STK3: variants seen among roughly 807,000 people sequenced by gnomAD.
STK3 encodes the protein serine/threonine kinase 3.
In STK3, 41 loss-of-function variants were observed where a neutral mutation model predicts 58.0. The observed-to-expected ratio is 0.71, with a 90% CI of 0.55 to 0.92. STK3 has a LOEUF of 0.92. STK3 is among the 40% of genes least tolerant of loss of function. The probability of loss-of-function intolerance (pLI) is 0.00; values close to 1 mark genes in which losing one functional copy is unlikely to be tolerated. For missense variants in STK3, 479 were observed against 602.7 expected (o/e 0.79, Z 2.15); for synonymous variants, 170 against 191.0 (o/e 0.89, Z 0.91).
chr8:98,486,795 GA>G (rs747010660), intron 10 of STK3, among the ~76,000 whole-genome samples: 2 of 152,186 alleles, frequency 1.3e-5, no homozygotes, highest in Non-Finnish European at 2.9e-5. Context: ...AAACTCAAAT[GA>G]AAGAATGTAA....
intron 6 of STK3, among the ~76,000 whole-genome samples, chr8:98,650,717 C>A (rs1003484902): frequency 4.5e-4 from 68 of 152,210 alleles, no homozygotes; most frequent in Non-Finnish European, 4.3e-4. Context: ...GGTCCTACGC[C>A]CACGGAGTCT....
chr8:98,451,835 G>A (rs1223970735), downstream of STK3, among the ~76,000 whole-genome samples: 1 of 150,524 alleles, frequency 6.6e-6, no homozygotes, highest in Non-Finnish European at 1.5e-5. Flanking sequence ...TTGCCCAAAC[G>A]GCAAAGAAAA....
At chr8:98,450,159 C>A (rs952610456), downstream of STK3, among the ~76,000 whole-genome samples, 1 of 152,136 alleles carries the variant, frequency 6.6e-6, no homozygotes, top group African/African-American at 2.4e-5. Flanking sequence ...ATGATAGATT[C>A]TCCTCAGTGC....
At chr8:98,924,845 C>T (rs935928464) in intron 1 of STK3, among the ~76,000 whole-genome samples, 1 of 152,194 alleles carries the variant, frequency 6.6e-6, no homozygotes, top group Admixed American at 6.5e-5. Flanking sequence ...GAGGATGAAC[C>T]TCTCTTTCTC....
intron 1 of STK3, among the ~76,000 whole-genome samples, chr8:98,778,266 G>A (rs1431357886): frequency 6.6e-6 from 1 of 152,182 alleles, no homozygotes; most frequent in Non-Finnish European, 1.5e-5. Context: ...GCAGCCAAAA[G>A]ACACATGAAA....
chr8:98,464,687 A>T (rs1820329133), intron 10 of STK3, among the ~76,000 whole-genome samples: 1 of 152,104 alleles, frequency 6.6e-6, no homozygotes, highest in Non-Finnish European at 1.5e-5. Flanking sequence ...AACTACTATG[A>T]AGCCTGTTTA....
intron 3 of STK3, among the ~76,000 whole-genome samples, chr8:98,849,127 G>A (rs1292850952): frequency 6.6e-6 from 1 of 151,310 alleles, no homozygotes; most frequent in African/African-American, 2.4e-5. Flanking sequence ...TCAGGAGGCT[G>A]AGGCAGGAGA....
chr8:98,622,565 T>TA (rs1818411394), intron 6 of STK3, among the ~76,000 whole-genome samples: 1 of 152,136 alleles, frequency 6.6e-6, no homozygotes, highest in Non-Finnish European at 1.5e-5. Context: ...CAAGGGTCTG[T>TA]AAAAAATCAA....
intron 6 of STK3, among the ~76,000 whole-genome samples, chr8:98,629,473 A>C (rs1461810112): frequency 1.3e-5 from 2 of 152,206 alleles, no homozygotes; most frequent in African/African-American, 4.8e-5. Context: ...GGGGAACCCT[A>C]AACACTACTT....
chr8:98,435,632 G>A (rs1479382810), intron 2 of STK3, among the ~76,000 whole-genome samples: 1 of 152,116 alleles, frequency 6.6e-6, no homozygotes, highest in African/African-American at 2.4e-5. Context: ...ATCAGTGACT[G>A]GATGTGGGAT....
chr8:98,653,121 T>C (rs934659470), intron 6 of STK3, among the ~76,000 whole-genome samples: 2 of 152,182 alleles, frequency 1.3e-5, no homozygotes, highest in Non-Finnish European at 2.9e-5. Flanking sequence ...ACACAAATTA[T>C]AACAAACTGT....
At chr8:98,522,413 T>C (rs1221457840) in intron 10 of STK3, among the ~76,000 whole-genome samples, 1 of 152,198 alleles carries the variant, frequency 6.6e-6, no homozygotes, top group Non-Finnish European at 1.5e-5. Flanking sequence ...GTAACTTTGC[T>C]GTTCCTTCCA....
intron 3 of STK3, among the ~76,000 whole-genome samples, chr8:98,869,061 A>AGGAG (rs1266169406): frequency 2.0e-5 from 3 of 149,700 alleles, no homozygotes; most frequent in Non-Finnish European, 3.0e-5. Flanking sequence ...GAAGGAAGGA[A>AGGAG]GGAAGGAAGG....
At chr8:98,522,443 T>C (rs1825436544) in intron 10 of STK3, among the ~76,000 whole-genome samples, 1 of 152,176 alleles carries the variant, frequency 6.6e-6, no homozygotes, top group Non-Finnish European at 1.5e-5. Flanking sequence ...GAAATTTATT[T>C]CCATATCTTA....
intron 6 of STK3, among the ~76,000 whole-genome samples, chr8:98,680,981 CTT>C (rs371666746): frequency 2.2e-4 from 27 of 124,738 alleles, no homozygotes; most frequent in Non-Finnish European, 2.8e-4. Flanking sequence ...CCCCACCTTT[CTT>C]TTTTTTTTTT....
intron 3 of STK3, among the ~76,000 whole-genome samples, chr8:98,833,241 GGATCCAAAGATTTTCT>G (rs932348629): frequency 3.9e-5 from 6 of 152,120 alleles, no homozygotes; most frequent in African/African-American, 1.4e-4. Flanking sequence ...GGTCATAGGA[GGATCCAAAGATTTTCT>G]GATTGACAAT....
chr8:98,345,651 A>G, the STK3 span, among the ~76,000 whole-genome samples: 2 of 152,062 alleles, frequency 1.3e-5, no homozygotes, highest in Admixed American at 1.3e-4. Flanking sequence ...CCAGGCATGG[A>G]AAGAGGCAGG....
the STK3 span, among the ~76,000 whole-genome samples, chr8:98,359,087 A>G: frequency 6.6e-6 from 1 of 152,080 alleles, no homozygotes; most frequent in Non-Finnish European, 1.5e-5. Flanking sequence ...TAGGGAAGAG[A>G]TGTGAGCTCC....
chr8:98,897,401 CA>C (rs895727456), intron 1 of STK3, among the ~76,000 whole-genome samples: 4 of 151,016 alleles, frequency 2.6e-5, no homozygotes, highest in Non-Finnish European at 1.5e-5. Context: ...ACTAAAAATA[CA>C]AAAAAAAATT....
Sources: allele counts gnomAD v4.1 joint callset (sites outside exome capture counted in the v4.1 genomes callset), GRCh38; gene constraint gnomAD v4.1.1; transcripts MANE v1.5; gene names NCBI Gene and HGNC (gene_info 2026-07-23, HGNC 2026-07-21).